Variants in KDELR1 observed in about 807,000 individuals in gnomAD.
KDELR1 encodes the protein ER lumen protein-retaining receptor 1.
Under a neutral mutation model 25.5 loss-of-function variants are expected in KDELR1, and 16 were observed. The ratio of observed to expected loss-of-function variants is 0.63; its 90% CI spans 0.43 to 0.95. KDELR1 has a LOEUF of 0.95. Ranked by LOEUF, KDELR1 falls within the 40% of genes least tolerant of loss-of-function variation. The pLI is 0.00. For missense variants in KDELR1, 159 were observed against 265.2 expected (o/e 0.60, Z 2.78); for synonymous variants, 121 against 115.0 (o/e 1.05, Z -0.33).
chr19:48,387,991 G>A (rs1023422640), intron 3 of KDELR1, among the ~76,000 whole-genome samples: 10 of 152,174 alleles, frequency 6.6e-5, no homozygotes, highest in South Asian at 2.1e-4. Flanking sequence ...CATTAACAGC[G>A]AACATTTAAA....
At chr19:48,390,545 AAG>A (rs200187800) in intron 1 of KDELR1, 21 bp from the exon 2 acceptor site, 19,399 of 1,109,508 alleles carry the variant, frequency 0.017, no homozygotes, top group Non-Finnish European at 0.019. Flanking sequence ...GAGACAGAGA[AAG>A]AGAGAGAGAG....
upstream of KDELR1, among the ~76,000 whole-genome samples, chr19:48,393,593 G>A (rs1220830353): frequency 6.6e-6 from 1 of 152,160 alleles, no homozygotes. This position sits in a 1 kb window ranked among gnomAD's most constrained non-coding sequence, Gnocchi z 5.6. Flanking sequence ...GGCAGGAGAA[G>A]GGGTCCCCAG....
chr19:48,386,265 C>T (rs895186512), intron 3 of KDELR1, among the ~76,000 whole-genome samples: 2 of 151,932 alleles, frequency 1.3e-5, no homozygotes, highest in Non-Finnish European at 2.9e-5. Context: ...TAGGCACTCA[C>T]CACCACGCCC....
chr19:48,395,518 G>C (rs559994592), upstream of KDELR1, among the ~76,000 whole-genome samples: 3 of 152,006 alleles, frequency 2.0e-5, no homozygotes, highest in East Asian at 1.9e-4. Flanking sequence ...GGGAGGTGAG[G>C]GGGGAGGAAA....
chr19:48,389,318 G>T (rs1179447135), intron 3 of KDELR1, among the ~76,000 whole-genome samples: 2 of 152,186 alleles, frequency 1.3e-5, no homozygotes, highest in Non-Finnish European at 2.9e-5. Flanking sequence ...TGTAAAGTGG[G>T]GCTGCTGAGA....
upstream of KDELR1, among the ~76,000 whole-genome samples, chr19:48,393,327 T>A (rs1344810316): frequency 6.6e-6 from 1 of 152,044 alleles, no homozygotes. The surrounding 1 kb of genome is among the most constrained non-coding windows in gnomAD (Gnocchi z 5.6). Flanking sequence ...TGGGTCTTAG[T>A]GTGGCGAACA....
intron 3 of KDELR1, among the ~76,000 whole-genome samples, chr19:48,387,507 CCCCATCTCT>C (rs1569052221): frequency 6.6e-6 from 1 of 151,832 alleles, no homozygotes; most frequent in Non-Finnish European, 1.5e-5. Context: ...CATGGTGAAA[CCCCATCTCT>C]ACTAGAAACA....
Position 48,383,302 on chromosome 19 carries a change from C to G in KDELR1, c.630G>C (p.Leu210Phe). 1.3e-6 allele frequency: 2 copies of G among 1,552,262 alleles called. No homozygotes were observed. The highest frequency in any genetic ancestry group is 1.7e-6 in the Non-Finnish European group (2 of 1,147,296). Residue 210 changes from leucine (L) to phenylalanine (F), a missense_variant, in exon 5 of 5, where the codon TTG becomes TTC. Transcript: ENST00000330720. ...ATGGAGAGGACCGGGGCTATGCCGGCAAACTCAACTTCTTCCCCTTTAGGA... is the reference window on the plus strand; with the variant it reads ...ATGGAGAGGACCGGGGCTATGCCGGGAAACTCAACTTCTTCCCCTTTAGGA... ...TKVLKGKKLS[L>F]PA is the part of the protein sequence containing the mutation.
At chr19:48,393,999 G>C (rs995636866), upstream of KDELR1, among the ~76,000 whole-genome samples, 4 of 152,094 alleles carry the variant, frequency 2.6e-5, no homozygotes, top group African/African-American at 9.7e-5. This position sits in a 1 kb window ranked among gnomAD's most constrained non-coding sequence, Gnocchi z 5.6. Flanking sequence ...CCTGGGTGTC[G>C]TGGGGCTCCC....
upstream of KDELR1, among the ~76,000 whole-genome samples, chr19:48,392,603 CCT>C (rs1970572126): frequency 6.6e-6 from 1 of 152,162 alleles, no homozygotes; most frequent in Admixed American, 6.5e-5. Context: ...AGATTTAGGC[CCT>C]GATTCTCTTC....
chr19:48,384,315 C>G lies in KDELR1; in HGVS notation c.519G>C (p.Glu173Asp). ...LFNWIWRYHFEGFFDLIAIVA... is the reference protein window; with the variant it reads ...LFNWIWRYHFDGFFDLIAIVA... ...CAATGGCGATGAGGTCGAAGAAGCCCTCGAAATGGTAGCGCCAGATCCAGT... is the reference window on the plus strand; with the variant it reads ...CAATGGCGATGAGGTCGAAGAAGCCGTCGAAATGGTAGCGCCAGATCCAGT... Residue 173 changes from glutamate (E) to aspartate (D), a missense_variant, in exon 4 of 5, where the codon GAG (glutamate) becomes GAC (aspartate). Glu to Asp is a conservative substitution (Grantham distance 45). Coordinates refer to ENST00000330720, the MANE Select transcript of KDELR1 (RefSeq NM_006801.3). The surrounding 1 kb of genome is among the most constrained non-coding windows in gnomAD (Gnocchi z 4.6). 6.2e-7 allele frequency: 1 copy of G among 1,614,198 alleles called. No homozygotes were observed. Among genetic ancestry groups the G allele is most frequent in the African/African-American group, 1.3e-5 (1 of 75,042 alleles).
rs992814220 is a variant in KDELR1, at chr19:48,391,317, G to A, written c.42C>T (p.Leu14=). The A allele has an allele frequency of 4.5e-6, 7 of 1,558,720 alleles. No homozygotes were observed. The highest frequency in any genetic ancestry group is 6.1e-6 in the Non-Finnish European group (7 of 1,151,014). ...TTTTGAGCAGTAGCAAGATGATGGCGAGGAGGTGGGAGAGGTCTCCCAGGA... is the reference window on the plus strand; with the variant it reads ...TTTTGAGCAGTAGCAAGATGATGGCAAGGAGGTGGGAGAGGTCTCCCAGGA... ...FRFLGDLSHL[L]AIILLLLKIW... The change falls in exon 1 of 5, where the codon CTC becomes CTT. Residue 14 remains leucine (L), a synonymous_variant. Coordinates refer to ENST00000330720, the MANE Select transcript of KDELR1 (RefSeq NM_006801.3).
chr19:48,395,769 G>A (rs772226316), upstream of KDELR1, among the ~76,000 whole-genome samples: 1 of 152,218 alleles, frequency 6.6e-6, no homozygotes, highest in East Asian at 1.9e-4. Flanking sequence ...GGAAGGATAG[G>A]GTTTGAAACC....
At chr19:48,396,140 A>G (rs778784675), upstream of KDELR1, among the ~76,000 whole-genome samples, 2 of 151,232 alleles carry the variant, frequency 1.3e-5, no homozygotes, top group African/African-American at 2.4e-5. Context: ...TGCAGATGGA[A>G]GTGGAAACGG....
intron 1 of KDELR1, 39 bp from the exon 2 acceptor site, chr19:48,390,563 C>CAGAGACAGAGAGAGAGAG: frequency 1.0e-6 from 1 of 979,594 alleles, no homozygotes; most frequent in Non-Finnish European, 1.5e-6. Context: ...GAGAGAGAGA[C>CAGAGACAGAGAGAGAGAG]AGAGAGAGAG....
At chr19:48,392,917 C>G (rs1346224474), upstream of KDELR1, among the ~76,000 whole-genome samples, 1 of 152,216 alleles carries the variant, frequency 6.6e-6, no homozygotes, top group Non-Finnish European at 1.5e-5. Flanking sequence ...TGTGGGACCC[C>G]CGGGGAACAG....
intron 3 of KDELR1, among the ~76,000 whole-genome samples, chr19:48,388,904 G>GA (rs1333330411): frequency 1.7e-5 from 2 of 120,260 alleles, no homozygotes; most frequent in African/African-American, 6.9e-5. Context: ...AGGAAGAAAG[G>GA]AAGAAAGGAA....
upstream of KDELR1, among the ~76,000 whole-genome samples, chr19:48,392,759 G>A (rs1970574767): frequency 1.3e-5 from 2 of 152,122 alleles, no homozygotes; most frequent in Non-Finnish European, 2.9e-5. Flanking sequence ...CTGCTCCAGA[G>A]TTTCTGCCCT....
intron 3 of KDELR1, among the ~76,000 whole-genome samples, chr19:48,387,997 TTAAAAG>T (rs767940690): frequency 1.3e-3 from 205 of 152,286 alleles, no homozygotes; most frequent in African/African-American, 3.0e-3. Context: ...CAGCGAACAT[TTAAAAG>T]TAAAAGTATC....
Sources: allele counts gnomAD v4.1 joint callset (sites outside exome capture counted in the v4.1 genomes callset), GRCh38; gene constraint gnomAD v4.1.1; non-coding constraint Gnocchi (gnomAD v3.1); transcripts MANE v1.5; gene names NCBI Gene and HGNC (gene_info 2026-07-23, HGNC 2026-07-21).